RCOR1: variants seen among roughly 807,000 people sequenced by gnomAD.
The protein encoded by RCOR1 is REST corepressor 1, also known as REST corepressor.
A neutral mutation model predicts 64.0 loss-of-function variants in RCOR1; 12 were observed. The observed-to-expected ratio is 0.19, with a 90% CI of 0.12 to 0.30. RCOR1 has a LOEUF of 0.30. RCOR1 is among the 10% of genes least tolerant of loss of function. RCOR1 has a pLI of 1.00. For synonymous variants in RCOR1, 279 were observed against 227.2 expected (o/e 1.23, Z -2.05); for missense variants, 502 against 621.2 (o/e 0.81, Z 2.04).
chr14:102,713,656 A>G (rs1261998846), intron 7 of RCOR1, among the ~76,000 whole-genome samples: 1 of 152,234 alleles, frequency 6.6e-6, no homozygotes, highest in Non-Finnish European at 1.5e-5. Context: ...TTTATTAAAC[A>G]TCGTAGTCCC....
intron 7 of RCOR1, 50 bp from the exon 8 acceptor site, chr14:102,714,373 A>G (rs1052310068): frequency 1.6e-6 from 2 of 1,236,736 alleles, no homozygotes; most frequent in African/African-American, 1.5e-5. Context: ...TTTATTACTG[A>G]TCATTTGACT....
chr14:102,619,952 T>G (rs10144272), intron 2 of RCOR1, among the ~76,000 whole-genome samples: 95,274 of 152,092 alleles, frequency 0.63, 30,937 homozygotes, highest in South Asian at 0.72. Flanking sequence ...TATATCTTTT[T>G]GTATACCTGT....
intron 2 of RCOR1, among the ~76,000 whole-genome samples, chr14:102,617,988 T>C: frequency 6.9e-6 from 1 of 144,370 alleles, no homozygotes; most frequent in South Asian, 2.1e-4. Flanking sequence ...TTTTTTTTTT[T>C]GTGAGACAGA....
chr14:102,696,490 C>T (rs144828239), intron 3 of RCOR1, among the ~76,000 whole-genome samples: 69 of 152,204 alleles, frequency 4.5e-4, no homozygotes, highest in South Asian at 8.3e-4. Flanking sequence ...GCACCCTGTA[C>T]ACTGGGGAAG....
intron 2 of RCOR1, among the ~76,000 whole-genome samples, chr14:102,615,578 A>G (rs1282897076): frequency 6.6e-6 from 1 of 150,974 alleles, no homozygotes. Context: ...CCTCCCAAGT[A>G]GCTGGGATTA....
chr14:102,692,439 TAAC>T (rs1198210953), intron 3 of RCOR1, among the ~76,000 whole-genome samples: 2 of 100,522 alleles, frequency 2.0e-5, no homozygotes, highest in East Asian at 2.9e-4. Flanking sequence ...AGGAAAAAGT[TAAC>T]ACACACACAC....
chr14:102,660,271 G>A (rs1219775353), intron 2 of RCOR1, among the ~76,000 whole-genome samples: 1 of 152,082 alleles, frequency 6.6e-6, no homozygotes, highest in African/African-American at 2.4e-5. Context: ...TACATTATGA[G>A]TGATACTTGT....
chr14:102,678,338 C>T (rs187065749), intron 2 of RCOR1, among the ~76,000 whole-genome samples: 11 of 152,224 alleles, frequency 7.2e-5, no homozygotes, highest in Admixed American at 7.2e-4. Flanking sequence ...CTCGCTCTGT[C>T]GCCCAGGCTG....
chr14:102,664,550 GATACA>G (rs1380723377), intron 2 of RCOR1, among the ~76,000 whole-genome samples: 1 of 152,226 alleles, frequency 6.6e-6, no homozygotes, highest in African/African-American at 2.4e-5. Context: ...TATAAAGAGA[GATACA>G]AGAAGAGAGG....
intron 2 of RCOR1, chr14:102,655,967 A>G: frequency 1.0e-6 from 1 of 981,994 alleles, no homozygotes; most frequent in Non-Finnish European, 1.2e-6. Context: ...ACACACACAC[A>G]CACACACACA....
chr14:102,684,014 G>C, intron 3 of RCOR1, among the ~76,000 whole-genome samples: 1 of 152,200 alleles, frequency 6.6e-6, no homozygotes, highest in African/African-American at 2.4e-5. Flanking sequence ...AGCTCTGACC[G>C]TATCCCGCCT....
At chr14:102,617,616 G>A (rs1893789028) in intron 2 of RCOR1, among the ~76,000 whole-genome samples, 1 of 132,134 alleles carries the variant, frequency 7.6e-6, no homozygotes, top group African/African-American at 2.8e-5. Flanking sequence ...TTTTGATGGA[G>A]TCTTGCTCTG....
At chr14:102,623,755 G>T (rs1313827030) in intron 2 of RCOR1, among the ~76,000 whole-genome samples, 1 of 151,308 alleles carries the variant, frequency 6.6e-6, no homozygotes, top group Non-Finnish European at 1.5e-5. Context: ...TCTCAAGAAG[G>T]CTTAAGAATC....
At chr14:102,608,774 A>G (rs1893567530) in intron 2 of RCOR1, among the ~76,000 whole-genome samples, 1 of 151,608 alleles carries the variant, frequency 6.6e-6, no homozygotes, top group South Asian at 2.1e-4. Context: ...TATGTTGGCC[A>G]GGCTGGTCTC....
chr14:102,625,699 T>G (rs1163234758), intron 2 of RCOR1, among the ~76,000 whole-genome samples: 2 of 152,152 alleles, frequency 1.3e-5, no homozygotes, highest in African/African-American at 4.8e-5. Context: ...AAACAGATGT[T>G]AATATTTTGT....
At chr14:102,677,838 GC>G (rs1384410049) in intron 2 of RCOR1, among the ~76,000 whole-genome samples, 2 of 151,356 alleles carry the variant, frequency 1.3e-5, no homozygotes, top group Non-Finnish European at 3.0e-5. Context: ...ACTTTGGGGG[GC>G]CAAGGCAGGC....
At chr14:102,621,060 C>G (rs571681689) in intron 2 of RCOR1, among the ~76,000 whole-genome samples, 1 of 152,336 alleles carries the variant, frequency 6.6e-6, no homozygotes, top group Non-Finnish European at 1.5e-5. Flanking sequence ...ACCTGCATTT[C>G]CTGAGCCCAA....
At chr14:102,617,985 T>TC in intron 2 of RCOR1, among the ~76,000 whole-genome samples, 1 of 150,258 alleles carries the variant, frequency 6.7e-6, no homozygotes, top group Non-Finnish European at 1.5e-5. Flanking sequence ...TTTTTTTTTT[T>TC]TTTGTGAGAC....
chr14:102,675,294 T>G (rs1219973324), intron 2 of RCOR1, among the ~76,000 whole-genome samples: 1 of 152,182 alleles, frequency 6.6e-6, no homozygotes. Flanking sequence ...CTCTGGTGGA[T>G]GCCTGAAACT....
Sources: gnomAD v4.1 joint callset for allele counts (sites outside exome capture counted in the v4.1 genomes callset) on GRCh38, gnomAD v4.1.1 for gene constraint, MANE v1.5 for transcripts, NCBI Gene and HGNC (gene_info 2026-07-23, HGNC 2026-07-21) for gene names.